Variants in CCL25 observed in about 807,000 individuals in gnomAD.
CCL25 encodes the protein C-C motif chemokine 25.
In CCL25, 14 loss-of-function variants were observed where a neutral mutation model predicts 19.9. That is an observed-to-expected ratio of 0.70 (90% confidence interval 0.47 to 1.10). The LOEUF is 1.10. Among genes scored for constraint, CCL25 ranks in the 50% least tolerant of loss-of-function variants. CCL25 has a pLI of 0.00. For synonymous variants in CCL25, 68 were observed against 73.2 expected, an observed-to-expected ratio of 0.93 and a Z score of 0.36; for missense variants, 151 against 181.2, an observed-to-expected ratio of 0.83 and a Z score of 0.96.
At chr19:8,052,716 G>A (rs2081240783), upstream of CCL25, 4 of 278,122 alleles carry the variant, frequency 1.4e-5, no homozygotes, top group Non-Finnish European at 2.6e-5. Flanking sequence ...GGGTGGCTGG[G>A]TGGGGCTCTG....
rs373691856 is a variant in CCL25, at chr19:8,062,142, G to A, written c.446-76G>A. 107 of 1,445,760 alleles carry A rather than the reference G, an allele frequency of 7.4e-5. 2 individuals carry two copies. The African/African-American group carries it at 1.4e-3, about 19-fold the overall frequency. 89.6% of individuals were successfully genotyped at this position (1,445,760 alleles called of 1,614,324 possible). ...GTTTTAGGAGCTGTAGGGACTGGAG[G>A]TAGAGACAAATGCATATAGTTACTA... On this transcript the variant is annotated intron_variant, in intron 5 of 5. Coordinates refer to ENST00000315626, the MANE Select transcript of CCL25 (RefSeq NM_005624.4).
At chr19:8,056,031 C>A in intron 2 of CCL25, 121 bp from the exon 3 acceptor site, 1 of 657,872 alleles carries the variant, frequency 1.5e-6, no homozygotes, top group African/African-American at 1.8e-5. Context: ...TCAGCCTCTG[C>A]CGGGCCTGGA....
chr19:8,052,955 C>A, intron 1 of CCL25, 45 bp from the exon 2 acceptor site: 3 of 761,056 alleles, frequency 3.9e-6, no homozygotes, highest in Non-Finnish European at 4.3e-6. Context: ...AGTACCCACT[C>A]CCCTCCTCTT....
chr19:8,057,692 G>T, intron 4 of CCL25, 109 bp from the exon 5 acceptor site: 1 of 1,433,672 alleles, frequency 7.0e-7, no homozygotes, highest in Non-Finnish European at 9.3e-7. Flanking sequence ...CAAGCACATG[G>T]GAGACTCATT....
rs11575008 is a variant in CCL25 at position 8,052,985 on chromosome 19, C to T, written c.-50-15C>T. The T allele has an allele frequency of 0.15, 178,001 of 1,176,208 alleles. 15,197 individuals carry two copies. The highest frequency in any genetic ancestry group is 0.21 in the Middle Eastern group (866 of 4,170). 72.9% of individuals were successfully genotyped at this position (1,176,208 alleles called of 1,614,324 possible). ...CCTCTTCCTCAGTCCTTACCACTTCCCTCCACGACCCCAGGTGGCCCCGTT... is the reference window on the plus strand; with the variant it reads ...CCTCTTCCTCAGTCCTTACCACTTCTCTCCACGACCCCAGGTGGCCCCGTT... On this transcript the variant is annotated splice_polypyrimidine_tract_variant and intron_variant, in intron 1 of 5. Transcript: ENST00000315626.
In CCL25 at chr19:8,059,210, T is replaced by C. The variant is rs528265095; in HGVS notation, c.445+1290T>C. 2.3e-3 allele frequency among the ~76,000 whole-genome samples: 299 copies of C among 130,206 alleles called. 1 individual carries two copies. Among genetic ancestry groups the C allele is most frequent in the African/African-American group, 8.5e-3 (294 of 34,582 alleles). 85.4% of individuals were successfully genotyped at this position (130,206 alleles called of 152,430 possible). On this transcript the variant is annotated intron_variant, in intron 5 of 5. Coordinates refer to ENST00000315626, the MANE Select transcript of CCL25 (RefSeq NM_005624.4). ...ATATATATATTATATATAATTAATATTTTTTTATGGCAGGGTCTCACTCTG... is the reference window on the plus strand; with the variant it reads ...ATATATATATTATATATAATTAATACTTTTTTATGGCAGGGTCTCACTCTG...
Position 8,057,813 on chromosome 19 carries a change from C to G in CCL25, c.338C>G (p.Ala113Gly). The change falls in exon 5 of 6, where the codon GCT becomes GGT. Residue 113 changes from alanine to glycine, a missense_variant. By Grantham distance (60) the Ala-to-Gly change is moderately conservative. Transcript: ENST00000315626. ...NTQTFQAGPH[A>G]VKKLSSGNSK... ...TCCATTTCTCCAGCAGGCCCTCATG[C>G]TGTAAAGAAGTTGAGTTCTGGAAAC... 2.5e-6 allele frequency: 4 copies of G among 1,612,838 alleles called. No homozygotes were observed. The highest frequency in any genetic ancestry group is 3.4e-6 in the Non-Finnish European group (4 of 1,179,186).
At chr19:8,060,874 G>A (rs1490658365) in intron 5 of CCL25, among the ~76,000 whole-genome samples, 1 of 151,570 alleles carries the variant, frequency 6.6e-6, no homozygotes, top group South Asian at 2.1e-4. Flanking sequence ...TAGAGACGGG[G>A]TTTCACTGTG....
intron 5 of CCL25, 34 bp from the exon 6 acceptor site, chr19:8,062,184 A>G: frequency 6.2e-7 from 1 of 1,611,678 alleles, no homozygotes; most frequent in South Asian, 1.1e-5. Context: ...TACAGCCGTC[A>G]ATTTTACTTC....
chr19:8,057,848 T>A lies in CCL25; in HGVS notation c.373T>A (p.Ser125Thr). ...KKLSSGNSKL[S>T]SSKFSNPISS... Reference sequence around the variant, plus strand: ...GTTGAGTTCTGGAAACTCCAAGTTATCATCGTCCAAGTTTAGCAATCCCAT... The same window carrying A: ...GTTGAGTTCTGGAAACTCCAAGTTAACATCGTCCAAGTTTAGCAATCCCAT... The change falls in exon 5 of 6, where the codon TCA becomes ACA. Residue 125 changes from serine to threonine, a missense_variant. Physicochemically the swap from Ser to Thr is moderately conservative, Grantham distance 58. Transcript: ENST00000315626. 1.2e-6 allele frequency: 2 copies of A among 1,613,626 alleles called. No homozygotes were observed. The highest frequency in any genetic ancestry group is 1.1e-5 in the South Asian group (1 of 91,042).
At chr19:8,061,481 G>A (rs2081317623) in intron 5 of CCL25, among the ~76,000 whole-genome samples, 1 of 152,106 alleles carries the variant, frequency 6.6e-6, no homozygotes, top group South Asian at 2.1e-4. Flanking sequence ...TCACATAGGA[G>A]TGAAGGATGA....
chr19:8,058,222 TG>T lies in CCL25; in HGVS notation c.445+303del, dbSNP rs1430281752. 2.0e-5 allele frequency among the ~76,000 whole-genome samples: 3 copies of T among 149,314 alleles called. No homozygotes were observed. The East Asian group carries it at 5.8e-4, about 29-fold the overall frequency. Reference sequence around the variant, plus strand: ...CCGGGTGGTTGTCCTGTAATTCTACTGAATTCTGACATTGTGTGTGTGTGTC... The same window carrying T: ...CCGGGTGGTTGTCCTGTAATTCTACTAATTCTGACATTGTGTGTGTGTGTC... On this transcript the variant is annotated intron_variant, in intron 5 of 5. Transcript: ENST00000315626.
At chr19:8,058,593 A>G (rs2081292091) in intron 5 of CCL25, among the ~76,000 whole-genome samples, 1 of 129,756 alleles carries the variant, frequency 7.7e-6, no homozygotes, top group Admixed American at 9.9e-5. Context: ...TATATAATAT[A>G]TAAATAATAT....
Position 8,061,838 on chromosome 19 carries a change from T to A in CCL25, c.446-380T>A, listed in dbSNP as rs2081319857. Among the ~76,000 whole-genome samples, 5 of 151,480 alleles carry A rather than the reference T, an allele frequency of 3.3e-5. No individual in the cohort carries two copies. In the South Asian group the frequency reaches 1.0e-3, roughly 32 times the overall value. ...GAAACCCTGTCTCTAAAATACAAAA[T>A]TAGCTACTAAAAATACAAAATACAA... On this transcript the variant is annotated intron_variant, in intron 5 of 5. Coordinates refer to ENST00000315626, the MANE Select transcript of CCL25 (RefSeq NM_005624.4).
intron 2 of CCL25, among the ~76,000 whole-genome samples, chr19:8,055,875 AG>A (rs1473465544): frequency 6.6e-6 from 1 of 152,148 alleles, no homozygotes; most frequent in Non-Finnish European, 1.5e-5. Flanking sequence ...TCCCCAGAGC[AG>A]GAGTAGAGGT....
chr19:8,052,603 A>G (rs1286456531), upstream of CCL25, among the ~76,000 whole-genome samples: 1 of 145,204 alleles, frequency 6.9e-6, no homozygotes, highest in African/African-American at 2.5e-5. Flanking sequence ...TGGGGAGGCA[A>G]GGGGGCCTGT....
intron 2 of CCL25, among the ~76,000 whole-genome samples, chr19:8,054,293 C>G (rs1196319577): frequency 6.6e-6 from 1 of 152,236 alleles, no homozygotes; most frequent in African/African-American, 2.4e-5. Flanking sequence ...GGGCTGTGGT[C>G]TGATTGTTTT....
chr19:8,061,339 G>A (rs367662849), intron 5 of CCL25, among the ~76,000 whole-genome samples: 12 of 151,734 alleles, frequency 7.9e-5, no homozygotes, highest in South Asian at 2.1e-4. Flanking sequence ...TAGAGACGGC[G>A]TTTCACTATG....
At chr19:8,054,576 C>A (rs1334509010) in intron 2 of CCL25, among the ~76,000 whole-genome samples, 1 of 152,048 alleles carries the variant, frequency 6.6e-6, no homozygotes, top group East Asian at 1.9e-4. Flanking sequence ...GAGAATTGCA[C>A]CCCAGCTTCC....
Sources: allele counts gnomAD v4.1 joint callset (sites outside exome capture counted in the v4.1 genomes callset), GRCh38; gene constraint gnomAD v4.1.1; transcripts MANE v1.5; gene names NCBI Gene and HGNC (gene_info 2026-07-23, HGNC 2026-07-21).